Variants in FRMD5 observed in about 807,000 individuals in gnomAD.
FRMD5 encodes the protein FERM domain-containing protein 5.
FRMD5 carries 20 observed loss-of-function variants against 69.0 expected under a neutral mutation model. The ratio of observed to expected loss-of-function variants is 0.29; its 90% CI spans 0.20 to 0.42. FRMD5 has a LOEUF of 0.42. Ranked by LOEUF, FRMD5 falls within the 10% of genes least tolerant of loss-of-function variation. The probability of loss-of-function intolerance (pLI) is 1.00; values close to 1 mark genes in which losing one functional copy is unlikely to be tolerated. For synonymous variants in FRMD5, 271 were observed against 260.1 expected (o/e 1.04, Z -0.40); for missense variants, 595 against 708.6 (o/e 0.84, Z 1.82).
chr15:43,915,379 AG>A (rs2089367662), intron 4 of FRMD5, among the ~76,000 whole-genome samples: 1 of 152,228 alleles, frequency 6.6e-6, no homozygotes, highest in Non-Finnish European at 1.5e-5. Context: ...AGCCTAAGCT[AG>A]GCTCAAGCGA....
At chr15:44,070,156 G>A (rs1249271661) in intron 1 of FRMD5, among the ~76,000 whole-genome samples, 1 of 152,016 alleles carries the variant, frequency 6.6e-6, no homozygotes, top group African/African-American at 2.4e-5. Context: ...TGCCTCAAAG[G>A]GTAAATTAAT....
At chr15:43,954,086 G>A (rs922920395) in intron 1 of FRMD5, among the ~76,000 whole-genome samples, 4 of 152,208 alleles carry the variant, frequency 2.6e-5, no homozygotes, top group Admixed American at 2.6e-4. Flanking sequence ...GCACGTGAGG[G>A]AAAGCAAGCT....
chr15:44,095,289 A>G (rs1261322519), intron 1 of FRMD5, among the ~76,000 whole-genome samples: 1 of 151,680 alleles, frequency 6.6e-6, no homozygotes, highest in Non-Finnish European at 1.5e-5. Context: ...TGCACCCTCA[A>G]TCTCCTGGGC....
intron 1 of FRMD5, among the ~76,000 whole-genome samples, chr15:44,150,967 C>G (rs2077435554): frequency 6.6e-6 from 1 of 152,012 alleles, no homozygotes; most frequent in Admixed American, 6.6e-5. Context: ...TGGTATGCAC[C>G]TGTAGTCTCA....
In FRMD5 at chr15:43,955,597, T is replaced by TTG. The variant is rs143391516; in HGVS notation, c.103-31290_103-31289dup. On this transcript the variant is annotated intron_variant, in intron 1 of 13. Transcript: ENST00000417257. ...CAACTGCTTTGTGAAAAGGGCCATT[T>TTG]TGTGTGTGTGTGTGTAGATCAGCAA... Among the ~76,000 whole-genome samples, 1,156 of 151,876 alleles carry TTG rather than the reference T, an allele frequency of 7.6e-3. 24 individuals carry two copies. The highest frequency in any genetic ancestry group is 0.058 in the East Asian group (300 of 5,176).
At chr15:43,937,508 C>G in intron 1 of FRMD5, among the ~76,000 whole-genome samples, 1 of 151,932 alleles carries the variant, frequency 6.6e-6, no homozygotes, top group East Asian at 1.9e-4. Context: ...CGTGATGGTA[C>G]GTGCCTGTAA....
At chr15:44,093,113 GT>G (rs1219250723) in intron 1 of FRMD5, among the ~76,000 whole-genome samples, 1 of 151,762 alleles carries the variant, frequency 6.6e-6, no homozygotes, top group Non-Finnish European at 1.5e-5. Context: ...TGTATTTTTA[GT>G]AGAGACGGGG....
intron 1 of FRMD5, among the ~76,000 whole-genome samples, chr15:43,934,862 C>T (rs1245876067): frequency 2.0e-5 from 3 of 152,188 alleles, no homozygotes; most frequent in Non-Finnish European, 4.4e-5. Context: ...TATGCGAGGG[C>T]TTTAGGCGTG....
At chr15:44,013,732 A>T (rs1282174876) in intron 1 of FRMD5, among the ~76,000 whole-genome samples, 1 of 152,142 alleles carries the variant, frequency 6.6e-6, no homozygotes, top group African/African-American at 2.4e-5. Context: ...TTAATTTCAT[A>T]TTAAGTTTCA....
intron 1 of FRMD5, among the ~76,000 whole-genome samples, chr15:44,187,450 T>C (rs938317347): frequency 6.6e-6 from 1 of 152,176 alleles, no homozygotes; most frequent in African/African-American, 2.4e-5. Context: ...CAGATAAACA[T>C]ACTAAAGAAA....
At chr15:44,199,061 C>T (rs995903019), upstream of FRMD5, among the ~76,000 whole-genome samples, 2 of 152,080 alleles carry the variant, frequency 1.3e-5, no homozygotes, top group East Asian at 3.9e-4. Context: ...ATATTCTATA[C>T]CCTGCTGTTC....
chr15:44,197,489 C>T (rs554007745), upstream of FRMD5, among the ~76,000 whole-genome samples: 1 of 151,700 alleles, frequency 6.6e-6, no homozygotes, highest in South Asian at 2.1e-4. Context: ...CAAGACCAGC[C>T]TGGCCATCAT....
rs562827093 is a variant in FRMD5, at chr15:43,937,062, C to T, written c.103-12753G>A. 3.3e-5 allele frequency among the ~76,000 whole-genome samples: 5 copies of T among 152,256 alleles called. No individual in the cohort carries two copies. In the East Asian group the frequency reaches 9.6e-4, roughly 29 times the overall value. On this transcript the variant is annotated intron_variant, in intron 1 of 13. Transcript: ENST00000417257. ...AAAAATACTGCCATGCTCTTGGGGT[C>T]ATGTGGAGCAGGATTTAGGATGTTT...
chr15:44,040,080 T>C (rs1245198759), intron 1 of FRMD5, among the ~76,000 whole-genome samples: 1 of 150,942 alleles, frequency 6.6e-6, no homozygotes, highest in African/African-American at 2.4e-5. Flanking sequence ...ATATCAGAGA[T>C]TGAAGATGAA....
chr15:43,882,146 G>A (rs567636594), intron 13 of FRMD5, among the ~76,000 whole-genome samples: 3 of 152,304 alleles, frequency 2.0e-5, no homozygotes, highest in South Asian at 4.1e-4. Flanking sequence ...AGCAGCTAGA[G>A]GGCAGTATTC....
intron 1 of FRMD5, among the ~76,000 whole-genome samples, chr15:43,951,709 G>A (rs2090032069): frequency 1.3e-5 from 2 of 152,158 alleles, no homozygotes; most frequent in African/African-American, 4.8e-5. Context: ...TTAAACTGCT[G>A]TATTAGCAAA....
At chr15:44,028,131 T>A (rs1165075252) in intron 1 of FRMD5, among the ~76,000 whole-genome samples, 1 of 152,146 alleles carries the variant, frequency 6.6e-6, no homozygotes, top group Non-Finnish European at 1.5e-5. Flanking sequence ...AAAAATATAA[T>A]CTATGACATG....
chr15:44,142,121 T>A (rs888375009), intron 1 of FRMD5, among the ~76,000 whole-genome samples: 4 of 152,140 alleles, frequency 2.6e-5, no homozygotes, highest in African/African-American at 9.7e-5. Context: ...AAATAACTGA[T>A]TTAAAATGTT....
chr15:43,875,386 A>ATG (rs1412871714), intron 13 of FRMD5, among the ~76,000 whole-genome samples: 3 of 142,300 alleles, frequency 2.1e-5, no homozygotes, highest in African/African-American at 7.9e-5. Flanking sequence ...ATATATATAT[A>ATG]TATATATGTA....
Sources: gnomAD v4.1 joint callset for allele counts (sites outside exome capture counted in the v4.1 genomes callset) on GRCh38, gnomAD v4.1.1 for gene constraint, MANE v1.5 for transcripts, NCBI Gene and HGNC (gene_info 2026-07-23, HGNC 2026-07-21) for gene names.